The following KAT6A variants were observed in gnomAD, a reference collection of about 807,000 sequenced individuals.
KAT6A encodes the protein histone acetyltransferase KAT6A.
A neutral mutation model predicts 198.4 loss-of-function variants in KAT6A; 9 were observed. That is an observed-to-expected ratio of 0.05 (90% CI 0.03 to 0.08). KAT6A has a LOEUF of 0.08. Among genes scored for constraint, KAT6A ranks in the 10% least tolerant of loss-of-function variants. KAT6A has a pLI of 1.00. For synonymous variants in KAT6A, 890 were observed against 883.0 expected (o/e 1.01, Z -0.14); for missense variants, 2,077 against 2,509.9 (o/e 0.83, Z 3.69).
chr8:41,929,546 T>C lies in KAT6A; in HGVS notation c.*2659A>G, dbSNP rs1480638704. 5.4e-6 allele frequency: 1 copy of C among 185,722 alleles called. No homozygotes were observed. The highest frequency in any genetic ancestry group is 1.1e-5 in the Non-Finnish European group (1 of 87,932). 11.5% of individuals were successfully genotyped at this position (185,722 alleles called of 1,614,324 possible). A position where few individuals can be genotyped will look rare whatever the true frequency, so the allele number is the denominator to read the frequency against. Reference sequence around the variant, plus strand: ...ACAGAGTTCTTTTGAAAGTACTTGCTAGAAAGGGGAAAAAAAGGTATTACA... The same window carrying C: ...ACAGAGTTCTTTTGAAAGTACTTGCCAGAAAGGGGAAAAAAAGGTATTACA... On this transcript the variant is annotated 3_prime_UTR_variant, in exon 17 of 17. Transcript: ENST00000265713.
chr8:41,993,172 C>G (rs1825025034), intron 2 of KAT6A, among the ~76,000 whole-genome samples: 1 of 152,208 alleles, frequency 6.6e-6, no homozygotes, highest in Non-Finnish European at 1.5e-5. Flanking sequence ...TTCAGCCATT[C>G]AAACCTATTC....
At chr8:42,034,561 G>A (rs1827278843) in intron 2 of KAT6A, among the ~76,000 whole-genome samples, 1 of 152,172 alleles carries the variant, frequency 6.6e-6, no homozygotes. Flanking sequence ...TAACATTTAT[G>A]GAGCACTTAT....
chr8:41,942,825 G>C lies in KAT6A; in HGVS notation c.2404C>G (p.Pro802Ala). Residue 802 changes from proline to alanine, a missense_variant, in exon 14 of 17, where the codon CCA becomes GCA. Coordinates refer to ENST00000265713, the MANE Select transcript of KAT6A (RefSeq NM_006766.5). Reference sequence around the variant, plus strand: ...TCTAATTCTCTTTCCTGGCACTGTGGCTCTTCGTTTTCTCCTTCCTCAGCC... The same window carrying C: ...TCTAATTCTCTTTCCTGGCACTGTGCCTCTTCGTTTTCTCCTTCCTCAGCC... ...EEAEEGENEE[P>A]QCQERELEIS... 1.9e-6 allele frequency: 3 copies of C among 1,614,000 alleles called. No homozygotes were observed. In the South Asian group the frequency reaches 3.3e-5, roughly 18 times the overall value.
At chr8:42,003,924 G>C (rs558937504) in intron 2 of KAT6A, among the ~76,000 whole-genome samples, 1 of 152,302 alleles carries the variant, frequency 6.6e-6, no homozygotes, top group East Asian at 1.9e-4. Flanking sequence ...CCGGTGCCTT[G>C]ATTTGCAACT....
chr8:41,943,682 C>A, intron 13 of KAT6A, 66 bp downstream of exon 13: 1 of 1,039,504 alleles, frequency 9.6e-7, no homozygotes. Flanking sequence ...AATAATCTGA[C>A]TGGCTGATCC....
In KAT6A at chr8:41,933,228, TGGCGGC is replaced by T. The variant is rs767101977; in HGVS notation, c.4986_4991del (p.Pro1663_Pro1664del). On this transcript the variant is annotated inframe_deletion, in exon 17 of 17. Coordinates refer to ENST00000265713, the MANE Select transcript of KAT6A (RefSeq NM_006766.5). This position sits in a 1 kb window ranked among gnomAD's most constrained non-coding sequence, Gnocchi z 6.2. ...GAGGCTGTGGTGCTGGTTGTGGTTG[TGGCGGC>T]GGCGGCTGTGGCTGCTGTGGAGGCG... 6.4e-7 allele frequency: 1 copy of T among 1,553,420 alleles called. No homozygotes were observed.
At chr8:41,970,021 C>G (rs529981443) in intron 8 of KAT6A, among the ~76,000 whole-genome samples, 1 of 152,266 alleles carries the variant, frequency 6.6e-6, no homozygotes, top group African/African-American at 2.4e-5. Flanking sequence ...TAGCCCAGCC[C>G]GTCAGAACCC....
intron 8 of KAT6A, among the ~76,000 whole-genome samples, chr8:41,965,292 C>T (rs1185801642): frequency 6.6e-6 from 1 of 152,106 alleles, no homozygotes; most frequent in Admixed American, 6.5e-5. Flanking sequence ...TTCACATGTC[C>T]ATAAATATTA....
chr8:41,936,106 A>G (rs1821841416), intron 16 of KAT6A, among the ~76,000 whole-genome samples: 1 of 152,022 alleles, frequency 6.6e-6, no homozygotes, highest in Admixed American at 6.6e-5. Flanking sequence ...TACTAAAAAT[A>G]CAAAAATTAG....
At chr8:42,025,794 T>C (rs1001931073) in intron 2 of KAT6A, among the ~76,000 whole-genome samples, 1 of 152,224 alleles carries the variant, frequency 6.6e-6, no homozygotes, top group Non-Finnish European at 1.5e-5. Context: ...GTTTTTGTTA[T>C]CCATGCTTTC....
intron 2 of KAT6A, among the ~76,000 whole-genome samples, chr8:42,007,545 T>G (rs947098199): frequency 6.6e-6 from 1 of 152,116 alleles, no homozygotes; most frequent in African/African-American, 2.4e-5. Context: ...GTGGACTGAG[T>G]TCTATAAGGC....
At chr8:41,947,291 A>G (rs1027485385) in intron 11 of KAT6A, among the ~76,000 whole-genome samples, 11 of 152,262 alleles carry the variant, frequency 7.2e-5, no homozygotes, top group African/African-American at 2.2e-4. Flanking sequence ...AAATAAAAGT[A>G]TATCTTTTAT....
intron 12 of KAT6A, among the ~76,000 whole-genome samples, chr8:41,944,769 G>A (rs968486290): frequency 3.3e-5 from 5 of 152,116 alleles, no homozygotes; most frequent in Admixed American, 6.5e-5. Context: ...CCCTAACTTT[G>A]CAATTTAATG....
chr8:41,974,853 C>T (rs1409742862), intron 7 of KAT6A, 31 bp from the exon 8 acceptor site: 1 of 1,406,240 alleles, frequency 7.1e-7, no homozygotes, highest in Non-Finnish European at 1.0e-6. Flanking sequence ...CACATGTTAA[C>T]TGTCCCCAGA....
In KAT6A at chr8:41,932,459, C is replaced by T. The variant is rs760824331; in HGVS notation, c.5761G>A (p.Ala1921Thr). The change falls in exon 17 of 17, where the codon GCC becomes ACC. Residue 1921 changes from alanine (A) to threonine (T), a missense_variant. Around this residue, in one of 13 missense-constraint regions of KAT6A, gnomAD observed 500 missense variants for 577.2 expected, o/e 0.87. Coordinates refer to ENST00000265713, the MANE Select transcript of KAT6A (RefSeq NM_006766.5). ...TGTGTCATTCGATAGCTGTTCATGG[C>T]ATTCAAGGTGTTCATATTCATGGAA... ...VNSMNMNTLN[A>T]MNSYRMTQPM... 4 of 1,614,252 alleles carry T rather than the reference C, an allele frequency of 2.5e-6. No individual in the cohort carries two copies. The Admixed American group carries it at 6.7e-5, about 27-fold the overall frequency.
At chr8:42,041,890 TTTTG>T (rs1267464613) in intron 2 of KAT6A, among the ~76,000 whole-genome samples, 14 of 152,224 alleles carry the variant, frequency 9.2e-5, no homozygotes, top group Admixed American at 9.2e-4. Flanking sequence ...TCAGAAGATT[TTTTG>T]TTTTTTTTGT....
At chr8:42,004,878 A>G (rs1825661577) in intron 2 of KAT6A, among the ~76,000 whole-genome samples, 1 of 152,088 alleles carries the variant, frequency 6.6e-6, no homozygotes, top group African/African-American at 2.4e-5. Flanking sequence ...CAATGAGCCG[A>G]GATCACGCCA....
At chr8:41,959,488 CA>C (rs1223273229) in intron 8 of KAT6A, among the ~76,000 whole-genome samples, 1 of 152,196 alleles carries the variant, frequency 6.6e-6, no homozygotes, top group Non-Finnish European at 1.5e-5. Context: ...CATAATCTAG[CA>C]ATTCCACTGC....
intron 3 of KAT6A, among the ~76,000 whole-genome samples, chr8:41,986,579 TTATA>T (rs1271743365): frequency 6.6e-6 from 1 of 152,210 alleles, no homozygotes; most frequent in East Asian, 1.9e-4. Context: ...AGAAAGTGTT[TTATA>T]TATATAAAAA....
Sources: gnomAD v4.1 joint callset for allele counts (sites outside exome capture counted in the v4.1 genomes callset) on GRCh38, gnomAD v4.1.1 for gene constraint, gnomAD v4.1.1 regional missense constraint, Gnocchi (gnomAD v3.1) non-coding constraint, MANE v1.5 for transcripts, NCBI Gene and HGNC (gene_info 2026-07-23, HGNC 2026-07-21) for gene names.